The following SORCS2 variants were observed in gnomAD, a reference collection of about 807,000 sequenced individuals.
The protein encoded by SORCS2 is VPS10 domain-containing receptor SorCS2.
Under a neutral mutation model 141.6 loss-of-function variants are expected in SORCS2, and 100 were observed. The observed-to-expected ratio is 0.71, with a 90% CI of 0.60 to 0.83. The LOEUF (loss-of-function observed/expected upper bound fraction) is 0.83, where lower values mean the gene tolerates loss of function less well. Among genes scored for constraint, SORCS2 ranks in the 40% least tolerant of loss-of-function variants. The pLI is 0.00. For synonymous variants in SORCS2, 789 were observed against 676.9 expected (o/e 1.17, Z -2.57); for missense variants, 1,646 against 1,560.2 (o/e 1.05, Z -0.93).
chr4:7,253,715 G>T (rs1444505244), intron 1 of SORCS2, among the ~76,000 whole-genome samples: 1 of 152,208 alleles, frequency 6.6e-6, no homozygotes, highest in Non-Finnish European at 1.5e-5. Flanking sequence ...GCTCCTGAGG[G>T]GCCAGGGAGG....
At chr4:7,525,849 G>GCAGTCACCTGTCTCCTCCT (rs1733646758) in intron 2 of SORCS2, among the ~76,000 whole-genome samples, 1 of 51,662 alleles carries the variant, frequency 1.9e-5, no homozygotes, top group Non-Finnish European at 3.5e-5. Flanking sequence ...GGGCCCTCCT[G>GCAGTCACCTGTCTCCTCCT]CAGTCACCTG....
chr4:7,610,520 C>T (rs940529699), intron 3 of SORCS2, among the ~76,000 whole-genome samples: 4 of 152,162 alleles, frequency 2.6e-5, no homozygotes, highest in Non-Finnish European at 2.9e-5. Flanking sequence ...GGGACGCAGA[C>T]GAGCAGACCT....
intron 1 of SORCS2, among the ~76,000 whole-genome samples, chr4:7,388,029 C>CATAT (rs1723574283): frequency 6.7e-6 from 1 of 149,294 alleles, no homozygotes. Context: ...TACACAGATA[C>CATAT]GCACACATGC....
chr4:7,562,376 G>A (rs1216860188), intron 3 of SORCS2, among the ~76,000 whole-genome samples: 2 of 152,114 alleles, frequency 1.3e-5, no homozygotes, highest in African/African-American at 2.4e-5. Flanking sequence ...GGCAAGAGTG[G>A]TGGCTACAAG....
At chr4:7,620,564 G>A (rs1719098032) in intron 3 of SORCS2, among the ~76,000 whole-genome samples, 1 of 152,250 alleles carries the variant, frequency 6.6e-6, no homozygotes. Context: ...TGAGTTGTGG[G>A]CAACCAACAA....
chr4:7,212,518 G>C (rs1728114069), intron 1 of SORCS2, among the ~76,000 whole-genome samples: 1 of 152,216 alleles, frequency 6.6e-6, no homozygotes, highest in African/African-American at 2.4e-5. Context: ...TAGGCACCAG[G>C]CTTGGTTCCT....
At chr4:7,312,668 C>T (rs1718257153) in intron 1 of SORCS2, among the ~76,000 whole-genome samples, 1 of 152,172 alleles carries the variant, frequency 6.6e-6, no homozygotes, top group South Asian at 2.1e-4. Flanking sequence ...GAAAGGGCTC[C>T]TGTCCATTAC....
rs779432723 is a variant in SORCS2 at position 7,319,373 on chromosome 4, G to T, written c.481-76915G>T. Among the ~76,000 whole-genome samples, 69 of 152,110 alleles carry T rather than the reference G, an allele frequency of 4.5e-4. No individual in the cohort carries two copies. The Middle Eastern group carries it at 0.031, about 67-fold the overall frequency. On this transcript the variant is annotated intron_variant, in intron 1 of 26. Transcript: ENST00000507866. ...GCCTAAGGAACAAATTGGACCCTCC[G>T]ACTTGTCTCGTCTGACTTACATGGC...
At chr4:7,362,140 G>C (rs1219083470) in intron 1 of SORCS2, among the ~76,000 whole-genome samples, 1 of 152,150 alleles carries the variant, frequency 6.6e-6, no homozygotes, top group African/African-American at 2.4e-5. Context: ...CCTGTGCAAA[G>C]GCAGGGGGCT....
chr4:7,302,796 C>CGT (rs1369635081), intron 1 of SORCS2, among the ~76,000 whole-genome samples: 98 of 94,662 alleles, frequency 1.0e-3, no homozygotes, highest in Admixed American at 3.1e-3. Context: ...TGTGCGCGCG[C>CGT]GTGTGTGTGT....
At chr4:7,569,893 C>T (rs573883917) in intron 3 of SORCS2, among the ~76,000 whole-genome samples, 18 of 152,314 alleles carry the variant, frequency 1.2e-4, no homozygotes, top group East Asian at 7.7e-4. Flanking sequence ...GTGGCCTCTC[C>T]GGAACTTCCT....
At chr4:7,564,062 G>A (rs1560389415) in intron 3 of SORCS2, among the ~76,000 whole-genome samples, 1 of 152,238 alleles carries the variant, frequency 6.6e-6, no homozygotes, top group East Asian at 1.9e-4. Context: ...AAATTGCACA[G>A]TTGTTAGCTT....
At chr4:7,534,145 G>A (rs1478748957) in intron 3 of SORCS2, among the ~76,000 whole-genome samples, 2 of 152,262 alleles carry the variant, frequency 1.3e-5, no homozygotes, top group African/African-American at 4.8e-5. Context: ...CAGAGGCTCA[G>A]CTGACTTTAA....
chr4:7,262,249 TCCAC>T (rs140189472), intron 1 of SORCS2, among the ~76,000 whole-genome samples: 17,796 of 141,742 alleles, frequency 0.13, 1,212 homozygotes, highest in Middle Eastern at 0.17. Flanking sequence ...GATTCATCCA[TCCAC>T]CCACCTATCC....
At chr4:7,637,797 G>A (rs114465666) in intron 3 of SORCS2, among the ~76,000 whole-genome samples, 3,144 of 152,014 alleles carry the variant, frequency 0.021, 102 homozygotes, top group African/African-American at 0.071. Flanking sequence ...TGCCATTTCT[G>A]GGCACCCCTC....
chr4:7,741,395 C>T lies in SORCS2; in HGVS notation c.*1131C>T, dbSNP rs1028835671. On this transcript the variant is annotated 3_prime_UTR_variant, in exon 27 of 27. Transcript: ENST00000507866. ...GCCAGTGCTGTGCGGTCTCCACACC[C>T]TTACGGTTTCCTAGAATCAGGGATG... is the stretch of plus-strand genomic sequence containing the variant. The T allele has an allele frequency of 7.5e-5, 11 of 146,766 alleles. No individual in the cohort carries two copies. Among genetic ancestry groups the T allele is most frequent in the Non-Finnish European group, 1.2e-4 (9 of 74,542 alleles). 9.1% of individuals were successfully genotyped at this position (146,766 alleles called of 1,614,324 possible). A position where few individuals can be genotyped will look rare whatever the true frequency, so the allele number is the denominator to read the frequency against.
intron 2 of SORCS2, among the ~76,000 whole-genome samples, chr4:7,400,733 A>C (rs1486215026): frequency 6.6e-6 from 1 of 150,994 alleles, no homozygotes; most frequent in Non-Finnish European, 1.5e-5. Flanking sequence ...ATGGATGGAC[A>C]GATGGATGAA....
At chr4:7,434,344 G>C in intron 2 of SORCS2, 3 of 1,609,450 alleles carry the variant, frequency 1.9e-6, no homozygotes, top group Non-Finnish European at 2.5e-6. Flanking sequence ...AGCTCCTTCA[G>C]GCGCCTGGCG....
At chr4:7,561,436 C>A (rs1338373852) in intron 3 of SORCS2, among the ~76,000 whole-genome samples, 1 of 152,052 alleles carries the variant, frequency 6.6e-6, no homozygotes, top group Non-Finnish European at 1.5e-5. Flanking sequence ...ATCCATCTAC[C>A]TATTCATCCA....
Sources: gnomAD v4.1 joint callset for allele counts (sites outside exome capture counted in the v4.1 genomes callset) on GRCh38, gnomAD v4.1.1 for gene constraint, MANE v1.5 for transcripts, NCBI Gene and HGNC (gene_info 2026-07-23, HGNC 2026-07-21) for gene names.